The following PFKFB3 variants were observed in gnomAD, a reference collection of about 807,000 sequenced individuals.
PFKFB3 encodes 6-phosphofructo-2-kinase/fructose-2,6-biphosphatase 3.
Under a neutral mutation model 68.0 loss-of-function variants are expected in PFKFB3, and 33 were observed. The ratio of observed to expected loss-of-function variants is 0.49; its 90% CI spans 0.37 to 0.65. PFKFB3 has a LOEUF of 0.65. PFKFB3 is among the 30% of genes least tolerant of loss of function. The pLI, the probability that PFKFB3 is intolerant of heterozygous loss-of-function variation, is 0.00. For synonymous variants in PFKFB3, 315 were observed against 288.2 expected, an observed-to-expected ratio of 1.09 and a Z score of -0.94; for missense variants, 586 against 712.2, an observed-to-expected ratio of 0.82 and a Z score of 2.02.
At chr10:6,301,685 C>G in the PFKFB3 span, among the ~76,000 whole-genome samples, 1 of 152,202 alleles carries the variant, frequency 6.6e-6, no homozygotes, top group Admixed American at 6.5e-5. Context: ...TCAAGAGCAG[C>G]TCAGCTCAAA....
chr10:6,151,376 C>T (rs1426669337), intron 1 of PFKFB3, among the ~76,000 whole-genome samples: 2 of 150,778 alleles, frequency 1.3e-5, no homozygotes, highest in Non-Finnish European at 2.9e-5. Flanking sequence ...ACACACTTCC[C>T]CCTGGCCTGG....
chr10:6,197,133 C>A (rs183612435), intron 1 of PFKFB3, among the ~76,000 whole-genome samples: 2 of 151,920 alleles, frequency 1.3e-5, no homozygotes, highest in Non-Finnish European at 2.9e-5. Context: ...TATAGGTCCC[C>A]GCCACCATGC....
the PFKFB3 span, among the ~76,000 whole-genome samples, chr10:6,287,500 A>C: frequency 6.6e-6 from 1 of 152,206 alleles, no homozygotes; most frequent in Non-Finnish European, 1.5e-5. Flanking sequence ...GTACAGCAAC[A>C]TGCTGTACAG....
chr10:6,200,860 C>G (rs1394476491), upstream of PFKFB3, among the ~76,000 whole-genome samples: 1 of 152,186 alleles, frequency 6.6e-6, no homozygotes, highest in African/African-American at 2.4e-5. Context: ...CTCCCTGTGC[C>G]CTAAGAGCTG....
intron 1 of PFKFB3, among the ~76,000 whole-genome samples, chr10:6,193,660 G>A (rs1049269798): frequency 6.6e-6 from 1 of 152,256 alleles, no homozygotes; most frequent in Non-Finnish European, 1.5e-5. Flanking sequence ...TCCAAAAAAG[G>A]AGTCAGCAAA....
chr10:6,224,485 CTT>C, intron 13 of PFKFB3: 1 of 592,474 alleles, frequency 1.7e-6, no homozygotes, highest in South Asian at 1.6e-5. Context: ...TACATTCTCT[CTT>C]TTTTTTTATT....
At chr10:6,273,928 C>T in the PFKFB3 span, among the ~76,000 whole-genome samples, 1 of 151,970 alleles carries the variant, frequency 6.6e-6, no homozygotes, top group Non-Finnish European at 1.5e-5. Context: ...TGTTGTGGGC[C>T]GGTGCGACAG....
At chr10:6,182,185 C>G (rs1046928024) in intron 1 of PFKFB3, among the ~76,000 whole-genome samples, 1 of 152,198 alleles carries the variant, frequency 6.6e-6, no homozygotes, top group Non-Finnish European at 1.5e-5. Flanking sequence ...CAAGTTTTCT[C>G]TCTAATCCCT....
chr10:6,181,796 T>TAA (rs60557537), intron 1 of PFKFB3, among the ~76,000 whole-genome samples: 11 of 114,150 alleles, frequency 9.6e-5, no homozygotes, highest in East Asian at 5.2e-4. Context: ...AGACTCCGTT[T>TAA]AAAAAAAAAA....
At chr10:6,183,431 A>G (rs1842774222) in intron 1 of PFKFB3, among the ~76,000 whole-genome samples, 2 of 151,938 alleles carry the variant, frequency 1.3e-5, no homozygotes, top group South Asian at 4.2e-4. Flanking sequence ...GCTTGCAGTC[A>G]GGTGCCCCAG....
chr10:6,296,510 A>G, the PFKFB3 span, among the ~76,000 whole-genome samples: 1 of 152,238 alleles, frequency 6.6e-6, no homozygotes, highest in South Asian at 2.1e-4. Flanking sequence ...TAGGCAGAGC[A>G]GCGGTGTGGG....
intron 1 of PFKFB3, among the ~76,000 whole-genome samples, chr10:6,181,061 C>G (rs1842699212): frequency 6.6e-6 from 1 of 152,156 alleles, no homozygotes; most frequent in Admixed American, 6.6e-5. Context: ...GTCGCTCAGG[C>G]TGGAGTGCAG....
At chr10:6,232,872 C>A in intron 14 of PFKFB3, 23 bp from the exon 15 acceptor site, 2 of 1,605,684 alleles carry the variant, frequency 1.2e-6, no homozygotes, top group Non-Finnish European at 8.5e-7. Flanking sequence ...TCCCTCCCCA[C>A]CTCTCTTTTC....
chr10:6,177,369 T>C (rs1341649516), intron 1 of PFKFB3, among the ~76,000 whole-genome samples: 1 of 99,406 alleles, frequency 1.0e-5, no homozygotes. Context: ...TCTTTCTTTC[T>C]TTCTTTCTTT....
chr10:6,213,815 G>A, intron 2 of PFKFB3, 67 bp downstream of exon 2: 1 of 1,565,324 alleles, frequency 6.4e-7, no homozygotes, highest in Non-Finnish European at 8.7e-7. Flanking sequence ...TCAGTTGCTG[G>A]TTTCACAGGC....
chr10:6,266,066 C>T, the PFKFB3 span, among the ~76,000 whole-genome samples: 4 of 152,070 alleles, frequency 2.6e-5, no homozygotes, highest in East Asian at 3.9e-4. Flanking sequence ...TTGTGCCCCA[C>T]GCCTGGTTAT....
chr10:6,165,595 G>A (rs931244021), intron 1 of PFKFB3, among the ~76,000 whole-genome samples: 45 of 152,262 alleles, frequency 3.0e-4, no homozygotes, highest in African/African-American at 1.1e-3. Context: ...GGAGCCAGAT[G>A]TTTACCTATG....
At chr10:6,311,301 G>T in the PFKFB3 span, among the ~76,000 whole-genome samples, 1 of 152,100 alleles carries the variant, frequency 6.6e-6, no homozygotes, top group Non-Finnish European at 1.5e-5. Context: ...CCCTGCATGG[G>T]CCGCCATGGA....
At chr10:6,236,636 A>G (rs1387183259), downstream of PFKFB3, among the ~76,000 whole-genome samples, 2 of 152,252 alleles carry the variant, frequency 1.3e-5, no homozygotes, top group African/African-American at 4.8e-5. Flanking sequence ...CACCTCCTCA[A>G]GCTCTGAGCC....
Sources: gnomAD v4.1 joint callset for allele counts (sites outside exome capture counted in the v4.1 genomes callset) on GRCh38, gnomAD v4.1.1 for gene constraint, MANE v1.5 for transcripts, NCBI Gene and HGNC (gene_info 2026-07-23, HGNC 2026-07-21) for gene names.